The following CAMSAP2 variants were observed in gnomAD, a reference collection of about 807,000 sequenced individuals.
CAMSAP2 encodes the protein calmodulin regulated spectrin associated protein family member 2.
In CAMSAP2, 26 loss-of-function variants were observed where a neutral mutation model predicts 146.1. The observed-to-expected ratio is 0.18, with a 90% CI of 0.13 to 0.25. The LOEUF (loss-of-function observed/expected upper bound fraction) is 0.25. Among genes scored for constraint, CAMSAP2 ranks in the 10% least tolerant of loss-of-function variants. CAMSAP2 has a pLI of 1.00. For missense variants in CAMSAP2, 1,381 were observed against 1,759.3 expected (o/e 0.78, Z 3.85); for synonymous variants, 499 against 596.6 (o/e 0.84, Z 2.38).
chr1:200,849,249 A>G lies in CAMSAP2; in HGVS notation c.2480A>G (p.Asp827Gly). ...AAAGAAAAGGAATCACAAAAAACTG[A>G]TGGACAAAGGAGCAAGTCACTGGCA... ...RAKEKESQKT[D>G]GQRSKSLADI... The change falls in exon 11 of 17, where the codon GAT becomes GGT. Residue 827 changes from aspartate to glycine, a missense_variant. Around this residue, in one of 4 missense-constraint regions of CAMSAP2, gnomAD observed 560 missense variants for 715.9 expected, o/e 0.78. Coordinates refer to ENST00000358823, the MANE Select transcript of CAMSAP2 (RefSeq NM_203459.4). The surrounding 1 kb of genome is among the most constrained non-coding windows in gnomAD (Gnocchi z 6.3). The G allele has an allele frequency of 1.2e-6, 2 of 1,613,952 alleles. No homozygotes were observed. The highest frequency in any genetic ancestry group is 2.2e-5 in the South Asian group (2 of 91,084).
intron 2 of CAMSAP2, among the ~76,000 whole-genome samples, chr1:200,799,658 A>G (rs893229543): frequency 3.0e-4 from 45 of 151,784 alleles, no homozygotes; most frequent in African/African-American, 1.1e-3. Context: ...AGGCTTTTTC[A>G]TGTCTCTTTC....
At chr1:200,774,090 A>G (rs960311819) in intron 2 of CAMSAP2, among the ~76,000 whole-genome samples, 2 of 152,036 alleles carry the variant, frequency 1.3e-5, no homozygotes, top group South Asian at 2.1e-4. Context: ...TCCATACCCC[A>G]GTGTGTGTTG....
chr1:200,802,410 C>T (rs1666058548), intron 2 of CAMSAP2, among the ~76,000 whole-genome samples: 1 of 152,056 alleles, frequency 6.6e-6, no homozygotes, highest in Non-Finnish European at 1.5e-5. Flanking sequence ...TTACTTTTAT[C>T]TCCATGTAAA....
In CAMSAP2 at chr1:200,847,709, G is replaced by A. The variant is rs1667497210; in HGVS notation, c.1262G>A (p.Arg421Lys). 1 of 1,606,460 alleles carries A rather than the reference G, an allele frequency of 6.2e-7. No homozygotes were observed. Among genetic ancestry groups the A allele is most frequent in the African/African-American group, 1.3e-5 (1 of 74,680 alleles). The change falls in exon 10 of 17, where the codon AGA becomes AAA. Residue 421 changes from arginine to lysine, a missense_variant and splice_region_variant. Coordinates refer to ENST00000358823, the MANE Select transcript of CAMSAP2 (RefSeq NM_203459.4). The stretch of plus-strand genomic sequence containing the variant: ...ATAGGGACATGGCCCAAAGAGAAAA[G>A]GTAAACAAAGAGAATTACTTTTAGT... ...GFIGTWPKEK[R>K]SSVHGVSFDI...
chr1:200,795,292 A>G (rs1665856644), intron 2 of CAMSAP2, among the ~76,000 whole-genome samples: 1 of 152,140 alleles, frequency 6.6e-6, no homozygotes, highest in African/African-American at 2.4e-5. Context: ...AAGGTTAATC[A>G]CTTGTAGCTG....
intron 3 of CAMSAP2, among the ~76,000 whole-genome samples, chr1:200,807,957 T>G (rs1571777502): frequency 6.6e-6 from 1 of 152,072 alleles, no homozygotes; most frequent in Non-Finnish European, 1.5e-5. Context: ...GCCAGGCTGG[T>G]CTGGAACTCC....
At chr1:200,791,071 C>T (rs1023052323) in intron 2 of CAMSAP2, among the ~76,000 whole-genome samples, 5 of 152,168 alleles carry the variant, frequency 3.3e-5, no homozygotes, top group African/African-American at 1.2e-4. Context: ...TCTCGAATCC[C>T]TGACCTCAGG....
intron 2 of CAMSAP2, among the ~76,000 whole-genome samples, chr1:200,763,692 A>G (rs1268354187): frequency 6.6e-6 from 1 of 152,188 alleles, no homozygotes; most frequent in Non-Finnish European, 1.5e-5. Flanking sequence ...TTGCTGTGGC[A>G]TTTTGATTGA....
At chr1:200,775,157 G>C (rs1571740884) in intron 2 of CAMSAP2, among the ~76,000 whole-genome samples, 1 of 152,208 alleles carries the variant, frequency 6.6e-6, no homozygotes. Flanking sequence ...TTTGAACTGA[G>C]ACCTAAATAC....
chr1:200,793,108 C>T (rs1011631801), intron 2 of CAMSAP2, among the ~76,000 whole-genome samples: 2 of 152,114 alleles, frequency 1.3e-5, no homozygotes, highest in African/African-American at 4.8e-5. Context: ...ATGGAGTGAT[C>T]GAGTACATTA....
At chr1:200,791,394 G>C (rs1452792305) in intron 2 of CAMSAP2, among the ~76,000 whole-genome samples, 1 of 151,826 alleles carries the variant, frequency 6.6e-6, no homozygotes, top group East Asian at 1.9e-4. Context: ...TCATATCCTT[G>C]AGTTTATAGT....
chr1:200,835,193 G>C (rs939695357), intron 6 of CAMSAP2, among the ~76,000 whole-genome samples: 4 of 152,124 alleles, frequency 2.6e-5, no homozygotes, highest in African/African-American at 7.2e-5. Flanking sequence ...TGTCACATGT[G>C]CATCATTAGA....
chr1:200,821,088 G>T (rs1666748920), intron 4 of CAMSAP2, among the ~76,000 whole-genome samples: 1 of 151,448 alleles, frequency 6.6e-6, no homozygotes, highest in African/African-American at 2.4e-5. Context: ...GACATAGCCT[G>T]TCTAAATTAG....
intron 4 of CAMSAP2, among the ~76,000 whole-genome samples, chr1:200,829,641 A>G (rs1466207970): frequency 6.6e-6 from 1 of 151,050 alleles, no homozygotes; most frequent in East Asian, 2.0e-4. Context: ...GAAATATACC[A>G]TAATGGCCGG....
At chr1:200,816,857 CGTGT>C (rs768536718) in intron 4 of CAMSAP2, among the ~76,000 whole-genome samples, 2 of 73,882 alleles carry the variant, frequency 2.7e-5, no homozygotes, top group Non-Finnish European at 5.2e-5. Context: ...CACACACACG[CGTGT>C]GTATGTGTGT....
At chr1:200,760,582 CAG>C (rs1190046528) in intron 1 of CAMSAP2, among the ~76,000 whole-genome samples, 7 of 152,210 alleles carry the variant, frequency 4.6e-5, no homozygotes, top group African/African-American at 1.7e-4. Flanking sequence ...CCACTAGACT[CAG>C]AAAGCTTTTC....
chr1:200,809,000 A>G (rs1571778515), intron 3 of CAMSAP2, among the ~76,000 whole-genome samples: 2 of 152,220 alleles, frequency 1.3e-5, no homozygotes, highest in Admixed American at 6.5e-5. Context: ...AATTTACACA[A>G]GGAAGTTGGT....
intron 3 of CAMSAP2, among the ~76,000 whole-genome samples, chr1:200,810,932 T>G (rs1163622832): frequency 6.6e-6 from 1 of 152,058 alleles, no homozygotes; most frequent in Non-Finnish European, 1.5e-5. Flanking sequence ...TCTTCCATCC[T>G]AAGAAACAAA....
At chr1:200,829,456 C>T (rs925232297) in intron 4 of CAMSAP2, among the ~76,000 whole-genome samples, 32 of 152,226 alleles carry the variant, frequency 2.1e-4, no homozygotes, top group African/African-American at 7.5e-4. Context: ...TGACACTTCA[C>T]TTTTTGTGTG....
Sources: gnomAD v4.1 joint callset for allele counts (sites outside exome capture counted in the v4.1 genomes callset) on GRCh38, gnomAD v4.1.1 for gene constraint, gnomAD v4.1.1 regional missense constraint, Gnocchi (gnomAD v3.1) non-coding constraint, MANE v1.5 for transcripts, NCBI Gene and HGNC (gene_info 2026-07-23, HGNC 2026-07-21) for gene names.